Variants in COP1 observed in about 807,000 individuals in gnomAD.
COP1 encodes the protein E3 ubiquitin-protein ligase COP1.
COP1 carries 24 observed loss-of-function variants against 101.3 expected under a neutral mutation model. The ratio of observed to expected loss-of-function variants is 0.24; its 90% CI spans 0.17 to 0.33. The LOEUF (loss-of-function observed/expected upper bound fraction) is 0.33. COP1 is among the 10% of genes least tolerant of loss of function. The probability of loss-of-function intolerance (pLI) is 1.00; values close to 1 mark genes in which losing one functional copy is unlikely to be tolerated. For synonymous variants in COP1, 347 were observed against 341.9 expected, an observed-to-expected ratio of 1.01 and a Z score of -0.17; for missense variants, 663 against 906.2, an observed-to-expected ratio of 0.73 and a Z score of 3.45.
At chr1:176,057,065 G>T (rs1171514474) in intron 11 of COP1, among the ~76,000 whole-genome samples, 1 of 152,090 alleles carries the variant, frequency 6.6e-6, no homozygotes, top group Non-Finnish European at 1.5e-5. Context: ...ACTGAGCATA[G>T]AAATGAAATC....
At chr1:175,955,833 T>C (rs969375615) in intron 18 of COP1, among the ~76,000 whole-genome samples, 1 of 120,494 alleles carries the variant, frequency 8.3e-6, no homozygotes, top group South Asian at 2.7e-4. Context: ...CAAACAATGC[T>C]TAGAGATGTT....
intron 14 of COP1, among the ~76,000 whole-genome samples, chr1:176,041,982 C>T (rs1443663235): frequency 1.3e-5 from 2 of 152,120 alleles, no homozygotes; most frequent in East Asian, 3.9e-4. Flanking sequence ...CATGGTGGCA[C>T]GTGCCTGTAG....
At chr1:175,988,456 G>T in intron 16 of COP1, 44 bp from the exon 17 acceptor site, 1 of 1,528,124 alleles carries the variant, frequency 6.5e-7, no homozygotes, top group Non-Finnish European at 8.9e-7. Flanking sequence ...AAAATTTCTT[G>T]GCACGAAACT....
chr1:175,992,174 G>A (rs1658689808), intron 15 of COP1, among the ~76,000 whole-genome samples: 2 of 152,288 alleles, frequency 1.3e-5, no homozygotes, highest in South Asian at 4.1e-4. Flanking sequence ...TCACATCATG[G>A]AGAATGGCGC....
At chr1:176,083,285 C>T (rs1028818842) in intron 10 of COP1, among the ~76,000 whole-genome samples, 3 of 152,160 alleles carry the variant, frequency 2.0e-5, no homozygotes, top group African/African-American at 7.2e-5. Context: ...TTCCTAAGTA[C>T]ATAAAACTCA....
At chr1:176,112,768 T>G (rs1685516507) in intron 9 of COP1, among the ~76,000 whole-genome samples, 1 of 152,034 alleles carries the variant, frequency 6.6e-6, no homozygotes, top group Non-Finnish European at 1.5e-5. Flanking sequence ...CTCCATGAGA[T>G]CCACTTTTTT....
At chr1:175,959,894 TAC>T (rs1319361930) in intron 18 of COP1, among the ~76,000 whole-genome samples, 4 of 152,174 alleles carry the variant, frequency 2.6e-5, no homozygotes, top group Non-Finnish European at 2.9e-5. Flanking sequence ...TCTCAAAATG[TAC>T]AGAGTCAAAA....
Position 176,046,270 on chromosome 1 carries a change from C to T in COP1, c.1332G>A (p.Lys444=), listed in dbSNP as rs2149203618. 4 of 1,610,926 alleles carry T rather than the reference C, an allele frequency of 2.5e-6. No homozygotes were observed. The highest frequency in any genetic ancestry group is 1.1e-5 in the South Asian group (1 of 90,574). The part of the protein sequence containing the change: ...DYFAIAGVTK[K]IKVYEYDTVI... ...CAGTGTCATATTCATAGACTTTAAT[C>T]TTCTTTGTAACTCCAGCAATCGCAA... is the stretch of plus-strand genomic sequence containing the variant. The change falls in exon 12 of 20, where the codon AAG becomes AAA. Residue 444 remains lysine (K), a synonymous_variant. Coordinates refer to ENST00000367669, the MANE Select transcript of COP1 (RefSeq NM_022457.7).
chr1:176,147,004 G>C (rs963241636), intron 6 of COP1, among the ~76,000 whole-genome samples: 2 of 152,096 alleles, frequency 1.3e-5, no homozygotes, highest in Non-Finnish European at 2.9e-5. Context: ...TCTCTGATTG[G>C]TATATATCAA....
intron 13 of COP1, 87 bp downstream of exon 13, chr1:176,043,623 C>T (rs1210106156): frequency 1.3e-6 from 1 of 789,614 alleles, no homozygotes; most frequent in Non-Finnish European, 2.2e-6. Context: ...GACTTCAAAT[C>T]TGTAATTATA....
chr1:176,101,347 C>G (rs1019414984), intron 9 of COP1, among the ~76,000 whole-genome samples: 4 of 152,160 alleles, frequency 2.6e-5, no homozygotes, highest in Non-Finnish European at 4.4e-5. Context: ...AGATAAGCAG[C>G]CATTCATCTT....
intron 14 of COP1, among the ~76,000 whole-genome samples, chr1:176,041,610 A>T (rs1251367015): frequency 6.6e-6 from 1 of 152,016 alleles, no homozygotes; most frequent in Non-Finnish European, 1.5e-5. Flanking sequence ...CAATCTCCCA[A>T]ACAAAGTGCT....
At chr1:176,136,987 A>G (rs1018364985) in intron 6 of COP1, among the ~76,000 whole-genome samples, 2 of 152,014 alleles carry the variant, frequency 1.3e-5, no homozygotes, top group Admixed American at 6.6e-5. Flanking sequence ...AGCTCAAGCA[A>G]TCTGCCCGCC....
In COP1 at chr1:176,046,030, T is replaced by A. The variant is rs914614711; in HGVS notation, c.1421+151A>T. Reference sequence around the variant, plus strand: ...ACCAATATCTGTAAGAAAGATGATATAAGTAATAATATATACTCTGTATAC... The same window carrying A: ...ACCAATATCTGTAAGAAAGATGATAAAAGTAATAATATATACTCTGTATAC... On this transcript the variant is annotated intron_variant, in intron 12 of 19. Coordinates refer to ENST00000367669, the MANE Select transcript of COP1 (RefSeq NM_022457.7). The A allele has an allele frequency of 1.5e-4, 73 of 486,990 alleles. No individual in the cohort carries two copies. In the Middle Eastern group the frequency reaches 5.1e-3, roughly 34 times the overall value. 30.2% of individuals were successfully genotyped at this position (486,990 alleles called of 1,614,324 possible).
At chr1:176,168,742 A>G (rs1239893952) in intron 3 of COP1, 2 of 336,318 alleles carry the variant, frequency 5.9e-6, no homozygotes, top group Non-Finnish European at 1.2e-5. Context: ...CAGACAGAGT[A>G]TGCACACTGG....
chr1:176,189,751 A>C (rs1291754446), intron 1 of COP1, among the ~76,000 whole-genome samples: 1 of 152,122 alleles, frequency 6.6e-6, no homozygotes, highest in African/African-American at 2.4e-5. Flanking sequence ...AAAGAAACAT[A>C]ATACTGTCCC....
chr1:176,153,472 C>T (rs960978506), intron 5 of COP1, among the ~76,000 whole-genome samples: 8 of 152,192 alleles, frequency 5.3e-5, no homozygotes, highest in African/African-American at 1.9e-4. Context: ...TGTTTGTCAG[C>T]TTAAGAAGCT....
chr1:175,975,871 A>G (rs1654401106), intron 18 of COP1, among the ~76,000 whole-genome samples: 1 of 152,176 alleles, frequency 6.6e-6, no homozygotes, highest in African/African-American at 2.4e-5. Context: ...GTTTTAACAC[A>G]GTAGATACTC....
Position 176,207,090 on chromosome 1 carries a change from C to G in COP1, c.-112G>C, listed in dbSNP as rs1700941677. The stretch of plus-strand genomic sequence containing the variant: ...TGCATCCTGAGGACGCCCGCCGAGC[C>G]GGAGGTGGGGCTGAGGAACAATAAA... On this transcript the variant is annotated 5_prime_UTR_variant, in exon 1 of 20. Coordinates refer to ENST00000367669, the MANE Select transcript of COP1 (RefSeq NM_022457.7). The G allele has an allele frequency of 9.3e-6, 8 of 855,982 alleles. No individual in the cohort carries two copies. The African/African-American group carries it at 1.3e-4, about 13-fold the overall frequency. The allele number at this position is 855,982 out of a possible 1,614,324, so 53.0% of individuals were successfully genotyped here. A position where few individuals can be genotyped will look rare whatever the true frequency, so the allele number is the denominator to read the frequency against.
Sources: gnomAD v4.1 joint callset for allele counts (sites outside exome capture counted in the v4.1 genomes callset) on GRCh38, gnomAD v4.1.1 for gene constraint, MANE v1.5 for transcripts, NCBI Gene and HGNC (gene_info 2026-07-23, HGNC 2026-07-21) for gene names.